The following BCL7A variants were observed in gnomAD, a reference collection of about 807,000 sequenced individuals.
BCL7A encodes BAF chromatin remodeling complex subunit BCL7A, also known as B-cell CLL/lymphoma 7 protein family member A.
A neutral mutation model predicts 28.4 loss-of-function variants in BCL7A; 11 were observed. The observed-to-expected ratio is 0.39, with a 90% CI of 0.24 to 0.64. BCL7A has a LOEUF of 0.64. BCL7A is among the 30% of genes least tolerant of loss of function. The pLI, the probability that BCL7A is intolerant of heterozygous loss-of-function variation, is 0.50. For synonymous variants in BCL7A, 123 were observed against 103.3 expected (o/e 1.19, Z -1.15); for missense variants, 222 against 274.8 (o/e 0.81, Z 1.36).
chr12:122,048,552 A>G (rs569252277), intron 4 of BCL7A, among the ~76,000 whole-genome samples: 1 of 152,208 alleles, frequency 6.6e-6, no homozygotes, highest in South Asian at 2.1e-4. Flanking sequence ...GGAGCTCGAG[A>G]CCAGCCTGAG....
intron 1 of BCL7A, among the ~76,000 whole-genome samples, chr12:122,027,811 T>TGGGC (rs3064994): frequency 0.33 from 50,581 of 151,566 alleles, 8,753 homozygotes; most frequent in East Asian, 0.55. Context: ...CACTCCAGCC[T>TGGGC]GGGCCACAGA....
intron 2 of BCL7A, among the ~76,000 whole-genome samples, chr12:122,031,152 G>A (rs1308840769): frequency 8.6e-5 from 13 of 152,034 alleles, no homozygotes; most frequent in African/African-American, 2.9e-4. Context: ...TCAGCCTCCC[G>A]AGTAGCTGGG....
chr12:122,030,908 A>G (rs1396705253), intron 2 of BCL7A, 127 bp downstream of exon 2: 2 of 933,938 alleles, frequency 2.1e-6, no homozygotes, highest in Non-Finnish European at 1.7e-6. Context: ...TGGGAGTAGA[A>G]GGACCCAGAT....
Position 122,060,507 on chromosome 12 carries a change from G to A in BCL7A, c.*1344G>A, listed in dbSNP as rs375188348. The A allele has an allele frequency of 1.6e-4, 37 of 231,410 alleles. No individual in the cohort carries two copies. Among genetic ancestry groups the A allele is most frequent in the South Asian group, 3.6e-4 (2 of 5,504 alleles). 14.3% of individuals were successfully genotyped at this position (231,410 alleles called of 1,614,324 possible). On this transcript the variant is annotated 3_prime_UTR_variant, in exon 6 of 6. Transcript: ENST00000261822. ...ACTGAACGGAGACGCCCCCTTGGAC[G>A]AACTGCCTAATCGTTTGGTTCTGAG...
chr12:122,022,625 T>TCCGAGCGGGCCGCCGCCG, intron 1 of BCL7A, among the ~76,000 whole-genome samples: 1 of 144,124 alleles, frequency 6.9e-6, no homozygotes, highest in East Asian at 2.1e-4. Context: ...TTGTGCAGGC[T>TCCGAGCGGGCCGCCGCCG]CCGAGCGGGC....
chr12:122,036,325 A>G (rs1210870739), intron 3 of BCL7A, among the ~76,000 whole-genome samples: 1 of 152,110 alleles, frequency 6.6e-6, no homozygotes, highest in African/African-American at 2.4e-5. Flanking sequence ...TGAGCCCAGG[A>G]GTTCAAGGCT....
intron 3 of BCL7A, among the ~76,000 whole-genome samples, chr12:122,042,956 T>C (rs1883989786): frequency 6.6e-6 from 1 of 152,074 alleles, no homozygotes; most frequent in Non-Finnish European, 1.5e-5. Flanking sequence ...TACATCATAT[T>C]TAGTCGAGTC....
chr12:122,025,021 G>A (rs2135837050), intron 1 of BCL7A, among the ~76,000 whole-genome samples: 1 of 149,594 alleles, frequency 6.7e-6, no homozygotes, highest in East Asian at 2.0e-4. Context: ...GCTGCCTCCT[G>A]TTCTCTTTTT....
At chr12:122,031,832 C>G (rs76673397) in intron 2 of BCL7A, among the ~76,000 whole-genome samples, 60 of 152,238 alleles carry the variant, frequency 3.9e-4, no homozygotes, top group Non-Finnish European at 4.9e-4. Context: ...GCAACTGCCC[C>G]GAGCAGACAG....
intron 4 of BCL7A, among the ~76,000 whole-genome samples, chr12:122,047,067 C>T (rs913027098): frequency 6.6e-5 from 10 of 151,726 alleles, no homozygotes; most frequent in Admixed American, 6.6e-4. Context: ...CCACGCCCGG[C>T]TAATTTTTGT....
intron 4 of BCL7A, among the ~76,000 whole-genome samples, chr12:122,048,378 T>C (rs1315060836): frequency 1.3e-5 from 2 of 152,140 alleles, no homozygotes; most frequent in Non-Finnish European, 2.9e-5. Context: ...ACCGCTGTGA[T>C]GGACACAGTT....
intron 1 of BCL7A, among the ~76,000 whole-genome samples, chr12:122,025,324 A>G (rs553324688): frequency 6.6e-6 from 1 of 151,310 alleles, no homozygotes; most frequent in South Asian, 2.1e-4. Flanking sequence ...AAACCAAAAA[A>G]AAAGAAAAAG....
rs932326360 is a variant in BCL7A, at chr12:122,060,658, G to A, written c.*1495G>A. On this transcript the variant is annotated 3_prime_UTR_variant, in exon 6 of 6. Coordinates refer to ENST00000261822, the MANE Select transcript of BCL7A (RefSeq NM_001024808.3). ...GTTACTGGGGGTGGGGTGGGGTCAT[G>A]GGTTTTGTTGTTTTTGGGGGCTAAT... The A allele has an allele frequency of 4.3e-6, 1 of 233,236 alleles. No individual in the cohort carries two copies. 14.4% of individuals were successfully genotyped at this position (233,236 alleles called of 1,614,324 possible).
chr12:122,024,165 G>A lies in BCL7A; in HGVS notation c.92+1982G>A, dbSNP rs186727511. 4.6e-3 allele frequency among the ~76,000 whole-genome samples: 706 copies of A among 152,360 alleles called. 8 individuals carry two copies. The highest frequency in any genetic ancestry group is 0.016 in the African/African-American group (684 of 41,596). Reference sequence around the variant, plus strand: ...TTGGAGCTTGAGGGGCTGTACCTCTGCGCCTCCCTGGGTTTGGGGAAACAA... The same window carrying A: ...TTGGAGCTTGAGGGGCTGTACCTCTACGCCTCCCTGGGTTTGGGGAAACAA... On this transcript the variant is annotated intron_variant, in intron 1 of 5. Transcript: ENST00000261822.
chr12:122,050,299 G>GC (rs1045879492), intron 4 of BCL7A, among the ~76,000 whole-genome samples: 23 of 88,548 alleles, frequency 2.6e-4, no homozygotes, highest in African/African-American at 2.4e-3. Flanking sequence ...TCTTTATTGT[G>GC]GGGGGGGGGC....
At chr12:122,040,287 T>C (rs751996509) in intron 3 of BCL7A, among the ~76,000 whole-genome samples, 3 of 152,202 alleles carry the variant, frequency 2.0e-5, no homozygotes, top group Non-Finnish European at 4.4e-5. Context: ...TCCTAGGACT[T>C]TGGGAGGCCA....
At chr12:122,025,946 CAAAAAAAAAAA>C (rs1204623444) in intron 1 of BCL7A, among the ~76,000 whole-genome samples, 10 of 108,196 alleles carry the variant, frequency 9.2e-5, no homozygotes, top group Non-Finnish European at 1.6e-4. Flanking sequence ...GACTCCATCT[CAAAAAAAAAAA>C]AAAAAAAAAA....
At chr12:122,027,608 C>T (rs945175879) in intron 1 of BCL7A, among the ~76,000 whole-genome samples, 7 of 152,090 alleles carry the variant, frequency 4.6e-5, no homozygotes, top group Middle Eastern at 3.4e-3. Flanking sequence ...GAGGCCAAGG[C>T]GGGTGGGTCA....
intron 4 of BCL7A, among the ~76,000 whole-genome samples, chr12:122,045,250 A>C (rs572541031): frequency 1.2e-4 from 19 of 152,132 alleles, no homozygotes; most frequent in Non-Finnish European, 2.4e-4. Context: ...GTGTGGTGGC[A>C]TGTGCCTGTA....
Sources: gnomAD v4.1 joint callset for allele counts (sites outside exome capture counted in the v4.1 genomes callset) on GRCh38, gnomAD v4.1.1 for gene constraint, MANE v1.5 for transcripts, NCBI Gene and HGNC (gene_info 2026-07-23, HGNC 2026-07-21) for gene names.